Variants in SULT1C3 observed in about 807,000 individuals in gnomAD.
The protein encoded by SULT1C3 is sulfotransferase family 1C member 3, also known as sulfotransferase 1C3.
A neutral mutation model predicts 28.4 loss-of-function variants in SULT1C3; 31 were observed. That is an observed-to-expected ratio of 1.09 (90% CI 0.82 to 1.47). The LOEUF is 1.47. Among genes scored for constraint, SULT1C3 ranks in the 40% most tolerant of loss-of-function variants. The probability of loss-of-function intolerance (pLI) is 0.00; values close to 1 mark genes in which losing one functional copy is unlikely to be tolerated. For missense variants in SULT1C3, 307 were observed against 272.5 expected (o/e 1.13, Z -0.89); for synonymous variants, 106 against 92.2 (o/e 1.15, Z -0.86).
At chr2:108,247,064 T>C in intron 1 of SULT1C3, 124 bp from the exon 2 acceptor site, 1 of 636,340 alleles carries the variant, frequency 1.6e-6, no homozygotes, top group Non-Finnish European at 2.3e-6. Flanking sequence ...GTTAGCATGT[T>C]ATATGTTAGC....
In SULT1C3 at chr2:108,260,550, T is replaced by A; in HGVS notation, c.803-18T>A. On this transcript the variant is annotated intron_variant, in intron 7 of 7. Transcript: ENST00000681802. ...AATGGGTGCAGAGTCTGTCATGAACTTCTTTGATGTCCTACAGGGATGCCT... is the reference window on the plus strand; with the variant it reads ...AATGGGTGCAGAGTCTGTCATGAACATCTTTGATGTCCTACAGGGATGCCT... The A allele has an allele frequency of 2.0e-6, 1 of 509,590 alleles. No individual in the cohort carries two copies. The highest frequency in any genetic ancestry group is 3.9e-6 in the Non-Finnish European group (1 of 255,490). 31.6% of individuals were successfully genotyped at this position (509,590 alleles called of 1,614,324 possible).
chr2:108,262,253 G>C (rs970284386), downstream of SULT1C3, among the ~76,000 whole-genome samples: 13 of 152,134 alleles, frequency 8.5e-5, no homozygotes, highest in African/African-American at 3.1e-4. Flanking sequence ...ACAATGATTA[G>C]AAAGCTCGGG....
chr2:108,256,039 T>C (rs1023710789), intron 5 of SULT1C3, among the ~76,000 whole-genome samples: 5 of 152,006 alleles, frequency 3.3e-5, no homozygotes, highest in African/African-American at 1.2e-4. Context: ...CGGTTTCATC[T>C]TGCAGTGTGA....
chr2:108,247,593 G>A (rs927726837), intron 2 of SULT1C3, among the ~76,000 whole-genome samples: 2 of 152,064 alleles, frequency 1.3e-5, no homozygotes, highest in Non-Finnish European at 2.9e-5. Flanking sequence ...TTTGGTAGTA[G>A]GGCAGATAAT....
rs568496685 is a variant in SULT1C3 at position 108,245,525 on chromosome 2, G to T, written c.-7-1663G>T. Among the ~76,000 whole-genome samples, 8 of 152,276 alleles carry T rather than the reference G, an allele frequency of 5.3e-5. No individual in the cohort carries two copies. In the East Asian group the frequency reaches 1.5e-3, roughly 29 times the overall value. Reference sequence around the variant, plus strand: ...CAGAATAGGTGCCTTAAAGGAACACGGGAATTGAATGGCCATTTTCTGGCC... The same window carrying T: ...CAGAATAGGTGCCTTAAAGGAACACTGGAATTGAATGGCCATTTTCTGGCC... On this transcript the variant is annotated intron_variant, in intron 1 of 7. Coordinates refer to ENST00000681802, the MANE Select transcript of SULT1C3 (RefSeq NM_001320878.2).
At chr2:108,254,461 C>T (rs1166132554) in intron 4 of SULT1C3, among the ~76,000 whole-genome samples, 2 of 151,952 alleles carry the variant, frequency 1.3e-5, no homozygotes, top group Non-Finnish European at 2.9e-5. Context: ...ATGTGTTTCC[C>T]CATCATTTTG....
chr2:108,254,694 T>C (rs1288677594), intron 4 of SULT1C3, among the ~76,000 whole-genome samples: 1 of 150,892 alleles, frequency 6.6e-6, no homozygotes, highest in Non-Finnish European at 1.5e-5. Flanking sequence ...GATATGTGTG[T>C]GTGTGTGTAT....
At chr2:108,257,526 T>C (rs1254971289) in intron 5 of SULT1C3, among the ~76,000 whole-genome samples, 2 of 152,054 alleles carry the variant, frequency 1.3e-5, no homozygotes, top group Non-Finnish European at 2.9e-5. Context: ...TTGGTTTCCC[T>C]TTCTGCAGTT....
chr2:108,258,625 G>T, intron 5 of SULT1C3, 109 bp from the exon 6 acceptor site: 1 of 777,570 alleles, frequency 1.3e-6, no homozygotes. Flanking sequence ...CTTCGTTAAG[G>T]AACCAGAACG....
intron 1 of SULT1C3, among the ~76,000 whole-genome samples, chr2:108,241,747 G>T (rs1675464753): frequency 6.6e-6 from 1 of 152,218 alleles, no homozygotes; most frequent in South Asian, 2.1e-4. Context: ...CTAACATGGT[G>T]AAACTCCGCC....
At chr2:108,256,687 G>A (rs1227424986) in intron 5 of SULT1C3, among the ~76,000 whole-genome samples, 1 of 151,822 alleles carries the variant, frequency 6.6e-6, no homozygotes, top group Non-Finnish European at 1.5e-5. Context: ...ATTCTTTTGA[G>A]GAAAAAGAAA....
At chr2:108,265,234 TTCAGGGATGCCTGGAG>T, downstream of SULT1C3, 1 of 1,613,004 alleles carries the variant, frequency 6.2e-7, no homozygotes, top group Non-Finnish European at 8.5e-7. Context: ...TTTGCCTTGT[TTCAGGGATGCCTGGAG>T]ACTGGAAGAA....
chr2:108,255,980 AT>A (rs1256747903), intron 5 of SULT1C3, among the ~76,000 whole-genome samples: 1 of 152,036 alleles, frequency 6.6e-6, no homozygotes, highest in Non-Finnish European at 1.5e-5. Context: ...AAGAGGCAAC[AT>A]TTCCTATGGA....
chr2:108,252,440 C>G lies in SULT1C3; in HGVS notation c.248C>G (p.Thr83Ser), dbSNP rs1310067180. ...GDVEKCKRAQ[T>S]LDRHAFLELK... is the part of the protein sequence containing the mutation. ...GTGGAGAAATGCAAAAGAGCCCAGA[C>G]TCTAGATAGACACGCTTTCCTTGAA... The change falls in exon 3 of 8, where the codon ACT (threonine) becomes AGT (serine). Residue 83 changes from threonine to serine, a missense_variant. Physicochemically the swap from Thr to Ser is moderately conservative, Grantham distance 58 (BLOSUM62 1). Coordinates refer to ENST00000681802, the MANE Select transcript of SULT1C3 (RefSeq NM_001320878.2). 1 of 1,612,324 alleles carries G rather than the reference C, an allele frequency of 6.2e-7. No individual in the cohort carries two copies. The highest frequency in any genetic ancestry group is 1.7e-5 in the Admixed American group (1 of 59,828).
At position 108,252,410 on chromosome 2, in the gene SULT1C3, G is replaced by A; in HGVS notation, c.218G>A (p.Gly73Asp). The change falls in exon 3 of 8, where the codon GGT becomes GAT. Residue 73 changes from glycine (G) to aspartate (D), a missense_variant. By Grantham distance (94) the Gly-to-Asp change is moderately conservative. Coordinates refer to ENST00000681802, the MANE Select transcript of SULT1C3 (RefSeq NM_001320878.2). Reference protein sequence around the residue: ...HEILDMILNDGDVEKCKRAQT... With the variant: ...HEILDMILNDDDVEKCKRAQT... ...ATTTTAGACATGATTCTAAATGATG[G>A]TGATGTGGAGAAATGCAAAAGAGCC... 6.2e-7 allele frequency: 1 copy of A among 1,611,980 alleles called. No individual in the cohort carries two copies. Among genetic ancestry groups the A allele is most frequent in the South Asian group, 1.1e-5 (1 of 90,864 alleles).
intron 7 of SULT1C3, 100 bp from the exon 8 acceptor site, chr2:108,260,468 C>A: frequency 2.8e-6 from 1 of 359,158 alleles, no homozygotes; most frequent in Admixed American, 3.1e-5. Flanking sequence ...GACCCTCACT[C>A]ATGGGAAAAT....
At chr2:108,252,598 C>G in intron 3 of SULT1C3, 105 bp downstream of exon 3, 2 of 1,342,858 alleles carry the variant, frequency 1.5e-6, no homozygotes, top group Non-Finnish European at 2.0e-6. Context: ...TAGCCTGTAT[C>G]TTTCATGAGG....
intron 7 of SULT1C3, 72 bp downstream of exon 7, chr2:108,259,218 C>A (rs574762405): frequency 5.6e-5 from 13 of 234,020 alleles, no homozygotes; most frequent in African/African-American, 2.7e-4. Flanking sequence ...TAATTTTCAA[C>A]CTAATTTTCA....
At chr2:108,256,657 C>G (rs1362723368) in intron 5 of SULT1C3, among the ~76,000 whole-genome samples, 1 of 151,972 alleles carries the variant, frequency 6.6e-6, no homozygotes, top group East Asian at 1.9e-4. Flanking sequence ...TATAACCAGT[C>G]CTGACATATT....
Sources: gnomAD v4.1 joint callset for allele counts (sites outside exome capture counted in the v4.1 genomes callset) on GRCh38, gnomAD v4.1.1 for gene constraint, MANE v1.5 for transcripts, NCBI Gene and HGNC (gene_info 2026-07-23, HGNC 2026-07-21) for gene names.